The following ANKRD52 variants were observed in gnomAD, a reference collection of about 807,000 sequenced individuals.
ANKRD52 encodes ankyrin repeat domain 52.
In ANKRD52, 7 loss-of-function variants were observed where a neutral mutation model predicts 116.0. The observed-to-expected ratio is 0.06, with a 90% CI of 0.03 to 0.11. The LOEUF (loss-of-function observed/expected upper bound fraction) is 0.11. ANKRD52 is among the 10% of genes least tolerant of loss of function. The pLI is 1.00. For synonymous variants in ANKRD52, 528 were observed against 578.1 expected (o/e 0.91, Z 1.24); for missense variants, 839 against 1,408.6 (o/e 0.60, Z 6.47).
Position 56,248,365 on chromosome 12 carries a change from C to A in ANKRD52, c.1776+130G>T. The A allele has an allele frequency of 7.2e-7, 1 of 1,397,730 alleles. No homozygotes were observed. 86.6% of individuals were successfully genotyped at this position (1,397,730 alleles called of 1,614,324 possible). On this transcript the variant is annotated intron_variant, in intron 17 of 27. Coordinates refer to ENST00000267116, the MANE Select transcript of ANKRD52 (RefSeq NM_173595.4). This position sits in a 1 kb window ranked among gnomAD's most constrained non-coding sequence, Gnocchi z 5.1. ...CTTGGGCCCCTTAAGGCTTCCTACCCTGCACTGTGCTTATCCCCTCTCCCA... is the reference window on the plus strand; with the variant it reads ...CTTGGGCCCCTTAAGGCTTCCTACCATGCACTGTGCTTATCCCCTCTCCCA...
In ANKRD52 at chr12:56,244,428, C is replaced by A; in HGVS notation, c.2730G>T (p.Leu910=). The change falls in exon 25 of 28, where the codon CTG becomes CTT. Residue 910 remains leucine, a synonymous_variant. Coordinates refer to ENST00000267116, the MANE Select transcript of ANKRD52 (RefSeq NM_173595.4). The surrounding 1 kb of genome is among the most constrained non-coding windows in gnomAD (Gnocchi z 4.9). ...TAAGGTCTGCCTTCCCTCGATACAG[C>A]AGAAATTCTACGAGAGAAATGTGAT... ...ENGQTAAVEF[L]LYRGKADLTV... is the part of the protein sequence containing the mutation. 1.2e-6 allele frequency: 2 copies of A among 1,614,002 alleles called. No homozygotes were observed. Among genetic ancestry groups the A allele is most frequent in the Non-Finnish European group, 1.7e-6 (2 of 1,179,882 alleles).
chr12:56,248,442 G>A lies in ANKRD52; in HGVS notation c.1776+53C>T. ...CACAAGTGCTGGCACCTTTGTTAGG[G>A]CCTGGGAACAGGTAGGACAAGGAAG... On this transcript the variant is annotated intron_variant, in intron 17 of 27. Coordinates refer to ENST00000267116, the MANE Select transcript of ANKRD52 (RefSeq NM_173595.4). The surrounding 1 kb of genome is among the most constrained non-coding windows in gnomAD (Gnocchi z 5.1). 3 of 1,538,878 alleles carry A rather than the reference G, an allele frequency of 1.9e-6. No individual in the cohort carries two copies. The South Asian group carries it at 3.5e-5, about 18-fold the overall frequency.
chr12:56,250,089 C>A (rs2135885971), intron 15 of ANKRD52, among the ~76,000 whole-genome samples: 1 of 152,054 alleles, frequency 6.6e-6, no homozygotes, highest in Non-Finnish European at 1.5e-5. Flanking sequence ...CCCAGCTACT[C>A]AGGAGGAAGA....
chr12:56,238,005 G>T lies in ANKRD52; in HGVS notation c.*5137C>A. 3.5e-5 allele frequency: 9 copies of T among 260,542 alleles called. No homozygotes were observed. The highest frequency in any genetic ancestry group is 6.7e-5 in the East Asian group (1 of 14,894). The allele number at this position is 260,542 out of a possible 1,614,324, so 16.1% of individuals were successfully genotyped here. Reference sequence around the variant, plus strand: ...ACATTGTGCTTTAGCCCAGGGAGGGGAGGGGTGGGGCAAATGCACCGAGGT... The same window carrying T: ...ACATTGTGCTTTAGCCCAGGGAGGGTAGGGGTGGGGCAAATGCACCGAGGT... On this transcript the variant is annotated 3_prime_UTR_variant, in exon 28 of 28. Transcript: ENST00000267116.
In ANKRD52 at chr12:56,254,691, C is replaced by T. The variant is rs756862665; in HGVS notation, c.580G>A (p.Ala194Thr). The stretch of plus-strand genomic sequence containing the variant: ...TTGCAGCCGAGGTCTGCTCCCCGTG[C>T]CACCAGCAGTTTTAGGACCTCCAAG... ...GHLEVLKLLV[A>T]RGADLGCKDR... The change falls in exon 7 of 28, where the codon GCA becomes ACA. Residue 194 changes from alanine (A) to threonine (T), a missense_variant. Physicochemically the swap from Ala to Thr is moderately conservative, Grantham distance 58. Transcript: ENST00000267116. The surrounding 1 kb of genome is among the most constrained non-coding windows in gnomAD (Gnocchi z 4.6). 5 of 1,612,522 alleles carry T rather than the reference C, an allele frequency of 3.1e-6. No individual in the cohort carries two copies. The highest frequency in any genetic ancestry group is 4.2e-6 in the Non-Finnish European group (5 of 1,178,874).
At position 56,247,621 on chromosome 12, in the gene ANKRD52, G is replaced by A. The variant is rs759135734; in HGVS notation, c.2067-11C>T. ...AGCATCAGTGGGGTCCTACAGAAGG[G>A]CAGGAGGAGGAGTGAGGATCCCGCA... is the stretch of plus-strand genomic sequence containing the variant. On this transcript the variant is annotated splice_polypyrimidine_tract_variant and intron_variant, in intron 19 of 27. Coordinates refer to ENST00000267116, the MANE Select transcript of ANKRD52 (RefSeq NM_173595.4). 6.3e-7 allele frequency: 1 copy of A among 1,589,452 alleles called. No individual in the cohort carries two copies. The highest frequency in any genetic ancestry group is 8.6e-7 in the Non-Finnish European group (1 of 1,166,930).
chr12:56,245,976 A>G (rs1380242574), intron 20 of ANKRD52, among the ~76,000 whole-genome samples: 1 of 151,480 alleles, frequency 6.6e-6, no homozygotes, highest in Non-Finnish European at 1.5e-5. Context: ...CGGCCTCCCA[A>G]AGTGCTGGGA....
Position 56,243,326 on chromosome 12 carries a change from G to C in ANKRD52, c.3047C>G (p.Ser1016Cys), listed in dbSNP as rs1456393640. 1 of 1,614,010 alleles carries C rather than the reference G, an allele frequency of 6.2e-7. No individual in the cohort carries two copies. ...CTTGGGTGGGAAAGGCTTCATGGTGGAAAGGATCAAGGCCAGGCAGTCTGC... is the reference window on the plus strand; with the variant it reads ...CTTGGGTGGGAAAGGCTTCATGGTGCAAAGGATCAAGGCCAGGCAGTCTGC... The part of the protein sequence containing the change: ...DVADCLALIL[S>C]TMKPFPPKDA... Residue 1016 changes from serine (S) to cysteine (C), a missense_variant, in exon 28 of 28, where the codon TCC becomes TGC. Ser to Cys is a moderately radical substitution (Grantham distance 112). This residue lies in a region of ANKRD52 where 552 missense variants were observed against 810.6 expected (regional missense o/e 0.68). Transcript: ENST00000267116. This position sits in a 1 kb window ranked among gnomAD's most constrained non-coding sequence, Gnocchi z 4.6.
rs2135884087 is a variant in ANKRD52, at chr12:56,248,661, T to A, written c.1705-95A>T. 6.7e-7 allele frequency: 1 copy of A among 1,488,754 alleles called. No homozygotes were observed. Among genetic ancestry groups the A allele is most frequent in the Non-Finnish European group, 9.2e-7 (1 of 1,088,552 alleles). The allele number at this position is 1,488,754 out of a possible 1,614,324, so 92.2% of individuals were successfully genotyped here. A position where few individuals can be genotyped will look rare whatever the true frequency, so the allele number is the denominator to read the frequency against. On this transcript the variant is annotated intron_variant, in intron 16 of 27. Transcript: ENST00000267116. The surrounding 1 kb of genome is among the most constrained non-coding windows in gnomAD (Gnocchi z 5.1). ...CAGTAATCCCCACTAAGCCTCTGGATCCAAAGACCACATTTGATTGAACCC... is the reference window on the plus strand; with the variant it reads ...CAGTAATCCCCACTAAGCCTCTGGAACCAAAGACCACATTTGATTGAACCC...
Position 56,253,156 on chromosome 12 carries a change from C to A in ANKRD52, c.1101-70G>T. The A allele has an allele frequency of 6.9e-7, 1 of 1,455,324 alleles. No homozygotes were observed. The highest frequency in any genetic ancestry group is 9.3e-7 in the Non-Finnish European group (1 of 1,071,836). 90.2% of individuals were successfully genotyped at this position (1,455,324 alleles called of 1,614,324 possible). The stretch of plus-strand genomic sequence containing the variant: ...CAAGTAAGACCTCTTCTGTGACCTA[C>A]CACCACCCTAGAGTCAGGGTAGGAG... On this transcript the variant is annotated intron_variant, in intron 10 of 27. Transcript: ENST00000267116. The surrounding 1 kb of genome is among the most constrained non-coding windows in gnomAD (Gnocchi z 5.5).
chr12:56,256,091 C>T, intron 4 of ANKRD52, 107 bp from the exon 5 acceptor site: 1 of 1,129,754 alleles, frequency 8.9e-7, no homozygotes, highest in Non-Finnish European at 1.3e-6. Context: ...TTCCCCAGCA[C>T]AGAATCTCTT....
chr12:56,244,232 C>T lies in ANKRD52; in HGVS notation c.2806-99G>A. ...AGTAACAGGAGGACAAACAGCTGCCCAACCAGTCGGATAGGCTGGACAATC... is the reference window on the plus strand; with the variant it reads ...AGTAACAGGAGGACAAACAGCTGCCTAACCAGTCGGATAGGCTGGACAATC... On this transcript the variant is annotated intron_variant, in intron 25 of 27. Coordinates refer to ENST00000267116, the MANE Select transcript of ANKRD52 (RefSeq NM_173595.4). This position sits in a 1 kb window ranked among gnomAD's most constrained non-coding sequence, Gnocchi z 4.9. 2.6e-6 allele frequency: 4 copies of T among 1,528,390 alleles called. No homozygotes were observed. Among genetic ancestry groups the T allele is most frequent in the Non-Finnish European group, 3.6e-6 (4 of 1,105,462 alleles). The allele number at this position is 1,528,390 out of a possible 1,614,324, so 94.7% of individuals were successfully genotyped here.
Position 56,255,995 on chromosome 12 carries a change from G to A in ANKRD52, c.262-11C>T. The stretch of plus-strand genomic sequence containing the variant: ...CAGCCCCAGCACCTTCTGTTGAGGG[G>A]CAGGGGACAAAAGAGAGAGTGGGAG... On this transcript the variant is annotated splice_polypyrimidine_tract_variant and intron_variant, in intron 4 of 27. Transcript: ENST00000267116. The surrounding 1 kb of genome is among the most constrained non-coding windows in gnomAD (Gnocchi z 4.3). 1 of 1,555,540 alleles carries A rather than the reference G, an allele frequency of 6.4e-7. No homozygotes were observed. The highest frequency in any genetic ancestry group is 1.9e-5 in the Admixed American group (1 of 52,492).
At chr12:56,256,018 G>A (rs776120519) in intron 4 of ANKRD52, 34 bp from the exon 5 acceptor site, 3 of 1,535,114 alleles carry the variant, frequency 2.0e-6, no homozygotes, top group Non-Finnish European at 2.6e-6. Context: ...GAGAGAGTGG[G>A]AGCAGGAGGT....
Position 56,241,036 on chromosome 12 carries a change from T to C in ANKRD52, c.*2106A>G, listed in dbSNP as rs1871144931. 1.3e-5 allele frequency: 2 copies of C among 151,744 alleles called. No individual in the cohort carries two copies. The highest frequency in any genetic ancestry group is 1.3e-4 in the Admixed American group (2 of 15,246). The allele number at this position is 151,744 out of a possible 1,614,324, so 9.4% of individuals were successfully genotyped here. The stretch of plus-strand genomic sequence containing the variant: ...ATGGGAAGATTTCAGGAGAGAGAAT[T>C]GAAGGGAAGGCAAGCTTTGCAGAGC... On this transcript the variant is annotated 3_prime_UTR_variant, in exon 28 of 28. Coordinates refer to ENST00000267116, the MANE Select transcript of ANKRD52 (RefSeq NM_173595.4).
Position 56,241,721 on chromosome 12 carries a change from GGTCCAACT to G in ANKRD52, c.*1413_*1420del, listed in dbSNP as rs1406027752. The G allele has an allele frequency of 2.9e-6, 1 of 344,166 alleles. No individual in the cohort carries two copies. The highest frequency in any genetic ancestry group is 5.2e-6 in the Non-Finnish European group (1 of 191,978). 21.3% of individuals were successfully genotyped at this position (344,166 alleles called of 1,614,324 possible). On this transcript the variant is annotated 3_prime_UTR_variant, in exon 28 of 28. Coordinates refer to ENST00000267116, the MANE Select transcript of ANKRD52 (RefSeq NM_173595.4). ...AAGGGAACACTGGGCTGCAGGAGTGGGTCCAACTGTCCAGGAGGCTGCACTAGGAGATG... is the reference window on the plus strand; with the variant it reads ...AAGGGAACACTGGGCTGCAGGAGTGGGTCCAGGAGGCTGCACTAGGAGATG...
chr12:56,237,986 T>G lies in ANKRD52; in HGVS notation c.*5156A>C. On this transcript the variant is annotated 3_prime_UTR_variant, in exon 28 of 28. Transcript: ENST00000267116. The stretch of plus-strand genomic sequence containing the variant: ...TCATTAATCTGCGGGGAGAACATTG[T>G]GCTTTAGCCCAGGGAGGGGAGGGGT... 13 of 290,162 alleles carry G rather than the reference T, an allele frequency of 4.5e-5. No homozygotes were observed. The highest frequency in any genetic ancestry group is 4.4e-5 in the Non-Finnish European group (7 of 158,594). 18.0% of individuals were successfully genotyped at this position (290,162 alleles called of 1,614,324 possible).
Position 56,252,854 on chromosome 12 carries a change from C to T in ANKRD52, c.1227G>A (p.Val409=). The T allele has an allele frequency of 6.2e-7, 1 of 1,613,958 alleles. No homozygotes were observed. The highest frequency in any genetic ancestry group is 8.5e-7 in the Non-Finnish European group (1 of 1,179,894). The change falls in exon 12 of 28, where the codon GTG becomes GTA. Residue 409 remains valine, a synonymous_variant. Transcript: ENST00000267116. This position sits in a 1 kb window ranked among gnomAD's most constrained non-coding sequence, Gnocchi z 4.7. Reference sequence around the variant, plus strand: ...TATTGATGTCAAACCCAGCTGAAAGCACATGCTCATTGCTGAGTGAAGACA... The same window carrying T: ...TATTGATGTCAAACCCAGCTGAAAGTACATGCTCATTGCTGAGTGAAGACA... The part of the protein sequence containing the change: ...SIVSSLSNEH[V]LSAGFDINTP...
At chr12:56,250,015 C>A (rs771613954) in intron 15 of ANKRD52, among the ~76,000 whole-genome samples, 1 of 151,754 alleles carries the variant, frequency 6.6e-6, no homozygotes. Flanking sequence ...CCAGCCTGGG[C>A]AACAGAGTGA....
Sources: gnomAD v4.1 joint callset for allele counts (sites outside exome capture counted in the v4.1 genomes callset) on GRCh38, gnomAD v4.1.1 for gene constraint, gnomAD v4.1.1 regional missense constraint, Gnocchi (gnomAD v3.1) non-coding constraint, MANE v1.5 for transcripts, NCBI Gene and HGNC (gene_info 2026-07-23, HGNC 2026-07-21) for gene names.